The following RAB3C variants were observed in gnomAD, a reference collection of about 807,000 sequenced individuals.
RAB3C encodes ras-related protein Rab-3C.
A neutral mutation model predicts 26.4 loss-of-function variants in RAB3C; 17 were observed. The observed-to-expected ratio is 0.64, with a 90% CI of 0.44 to 0.97. The LOEUF is 0.97. RAB3C is among the 50% of genes least tolerant of loss of function. The probability of loss-of-function intolerance (pLI) is 0.00; values close to 1 mark genes in which losing one functional copy is unlikely to be tolerated. For synonymous variants in RAB3C, 91 were observed against 95.9 expected (o/e 0.95, Z 0.30); for missense variants, 242 against 281.9 (o/e 0.86, Z 1.01).
At chr5:58,824,436 T>C (rs958275668) in intron 3 of RAB3C, among the ~76,000 whole-genome samples, 1 of 152,208 alleles carries the variant, frequency 6.6e-6, no homozygotes, top group African/African-American at 2.4e-5. Flanking sequence ...GTATTATAAT[T>C]TTGACATTAA....
At chr5:58,801,075 T>C (rs1223701537) in intron 3 of RAB3C, among the ~76,000 whole-genome samples, 1 of 152,168 alleles carries the variant, frequency 6.6e-6, no homozygotes, top group East Asian at 1.9e-4. Flanking sequence ...TTGGAAATAT[T>C]ACGCTCTTCA....
intron 4 of RAB3C, among the ~76,000 whole-genome samples, chr5:58,836,409 A>C (rs1008440651): frequency 6.6e-6 from 1 of 152,146 alleles, no homozygotes. Flanking sequence ...CCTTCTCGCT[A>C]TTTGAAACTA....
At chr5:58,593,837 G>A (rs1746187762) in intron 1 of RAB3C, among the ~76,000 whole-genome samples, 1 of 152,200 alleles carries the variant, frequency 6.6e-6, no homozygotes, top group Non-Finnish European at 1.5e-5. Context: ...AGTGAATGGT[G>A]AAAAGAAAGG....
chr5:58,747,234 T>C (rs992828450), intron 3 of RAB3C, among the ~76,000 whole-genome samples: 1 of 152,204 alleles, frequency 6.6e-6, no homozygotes, highest in African/African-American at 2.4e-5. Context: ...TTGCTAGATA[T>C]AGCAAATAAA....
chr5:58,798,641 C>T (rs1742730143), intron 3 of RAB3C, among the ~76,000 whole-genome samples: 1 of 152,138 alleles, frequency 6.6e-6, no homozygotes, highest in African/African-American at 2.4e-5. Flanking sequence ...TACCTTCAGG[C>T]TATGTGTATA....
intron 3 of RAB3C, among the ~76,000 whole-genome samples, chr5:58,808,326 C>A (rs1489466060): frequency 1.3e-5 from 2 of 151,374 alleles, no homozygotes; most frequent in Non-Finnish European, 2.9e-5. Context: ...GAATTTGACA[C>A]AGTACACAGA....
At chr5:58,727,667 C>A (rs1434233608) in intron 3 of RAB3C, among the ~76,000 whole-genome samples, 1 of 151,860 alleles carries the variant, frequency 6.6e-6, no homozygotes, top group Non-Finnish European at 1.5e-5. Flanking sequence ...TAGTTAATTG[C>A]CACAGATAGC....
intron 4 of RAB3C, among the ~76,000 whole-genome samples, chr5:58,839,496 A>G (rs996405566): frequency 4.6e-5 from 7 of 151,836 alleles, no homozygotes; most frequent in Non-Finnish European, 1.0e-4. Flanking sequence ...TCAAACTCCC[A>G]AGTAGCTAGG....
At chr5:58,675,304 A>G (rs1046248642) in intron 2 of RAB3C, among the ~76,000 whole-genome samples, 1 of 152,132 alleles carries the variant, frequency 6.6e-6, no homozygotes, top group Non-Finnish European at 1.5e-5. Context: ...TTTTTTCTCC[A>G]CACCTAATTT....
chr5:58,625,613 C>T (rs1333696251), intron 2 of RAB3C, among the ~76,000 whole-genome samples: 2 of 152,068 alleles, frequency 1.3e-5, no homozygotes, highest in Admixed American at 6.5e-5. Flanking sequence ...AATCCCAGCA[C>T]TTTGGGAGGC....
intron 2 of RAB3C, among the ~76,000 whole-genome samples, chr5:58,691,180 C>T (rs1433963753): frequency 6.6e-6 from 1 of 152,060 alleles, no homozygotes; most frequent in Admixed American, 6.6e-5. Flanking sequence ...GCACCTACAT[C>T]AGAATTTCCC....
intron 4 of RAB3C, among the ~76,000 whole-genome samples, chr5:58,832,488 C>T (rs930906116): frequency 2.6e-5 from 4 of 152,120 alleles, no homozygotes; most frequent in Non-Finnish European, 5.9e-5. Flanking sequence ...TTATTGAGCA[C>T]CAACTATTGG....
At chr5:58,684,570 C>G (rs543031977) in intron 2 of RAB3C, among the ~76,000 whole-genome samples, 42 of 151,966 alleles carry the variant, frequency 2.8e-4, no homozygotes, top group Non-Finnish European at 5.1e-4. Flanking sequence ...ACCTGACCCC[C>G]ATATCCACAC....
chr5:58,825,114 G>C lies in RAB3C; in HGVS notation c.448G>C (p.Glu150Gln). Residue 150 changes from glutamate to glutamine, a missense_variant, in exon 4 of 5, where the codon GAG (glutamate) becomes CAG (glutamine). By Grantham distance (29) the Glu-to-Gln change is conservative (BLOSUM62 2). Transcript: ENST00000282878. ...LVGNKCDMED[E>Q]RVISTERGQH... ...TGGGAACAAGTGTGACATGGAAGACGAGCGGGTCATCTCAACTGAGCGAGG... is the reference window on the plus strand; with the variant it reads ...TGGGAACAAGTGTGACATGGAAGACCAGCGGGTCATCTCAACTGAGCGAGG... 1 of 1,613,236 alleles carries C rather than the reference G, an allele frequency of 6.2e-7. No individual in the cohort carries two copies. Among genetic ancestry groups the C allele is most frequent in the Non-Finnish European group, 8.5e-7 (1 of 1,179,388 alleles).
chr5:58,600,671 G>T (rs1276482619), intron 1 of RAB3C, among the ~76,000 whole-genome samples: 1 of 152,060 alleles, frequency 6.6e-6, no homozygotes, highest in Non-Finnish European at 1.5e-5. Flanking sequence ...TATAGAAGAG[G>T]TACTGATTTG....
At chr5:58,584,424 C>G (rs905703663) in intron 1 of RAB3C, among the ~76,000 whole-genome samples, 12 of 152,248 alleles carry the variant, frequency 7.9e-5, no homozygotes, top group African/African-American at 2.6e-4. Flanking sequence ...TTCCAGGGAA[C>G]AGTGGCCCCT....
In RAB3C at chr5:58,851,738, TTGTGTGTG is replaced by T. The variant is rs57733643; in HGVS notation, c.*408_*415del. The T allele has an allele frequency of 3.5e-4, 54 of 152,526 alleles. No individual in the cohort carries two copies. Among genetic ancestry groups the T allele is most frequent in the Middle Eastern group, 3.3e-3 (1 of 300 alleles). The allele number at this position is 152,526 out of a possible 1,614,324, so 9.4% of individuals were successfully genotyped here. The stretch of plus-strand genomic sequence containing the variant: ...GTAGGAATGATGACCAAGGAATTGC[TTGTGTGTG>T]TGTGTGTGTGTGTGTGTGTGCACGC... On this transcript the variant is annotated 3_prime_UTR_variant, in exon 5 of 5. Coordinates refer to ENST00000282878, the MANE Select transcript of RAB3C (RefSeq NM_138453.4).
At chr5:58,844,310 A>T (rs184964372) in intron 4 of RAB3C, among the ~76,000 whole-genome samples, 1 of 152,308 alleles carries the variant, frequency 6.6e-6, no homozygotes, top group Admixed American at 6.5e-5. Flanking sequence ...GAAGTAGGAA[A>T]ATGCTACCAT....
chr5:58,737,524 C>A (rs531752332), intron 3 of RAB3C, among the ~76,000 whole-genome samples: 98 of 146,206 alleles, frequency 6.7e-4, no homozygotes, highest in African/African-American at 2.4e-3. Context: ...AATCTCTGTC[C>A]CTTCTATGCA....
Sources: gnomAD v4.1 joint callset for allele counts (sites outside exome capture counted in the v4.1 genomes callset) on GRCh38, gnomAD v4.1.1 for gene constraint, MANE v1.5 for transcripts, NCBI Gene and HGNC (gene_info 2026-07-23, HGNC 2026-07-21) for gene names.